Variants in RGPD2 observed in about 807,000 individuals in gnomAD.
RGPD2 encodes RANBP2-like and GRIP domain-containing protein 2.
A neutral mutation model predicts 36.0 loss-of-function variants in RGPD2; 2 were observed. The observed-to-expected ratio is 0.06, with a 90% CI of 0.02 to 0.17. RGPD2 has a LOEUF of 0.17. Among genes scored for constraint, RGPD2 ranks in the 10% least tolerant of loss-of-function variants. The pLI is 1.00. For synonymous variants in RGPD2, 19 were observed against 163.8 expected (o/e 0.12, Z 6.75); for missense variants, 40 against 464.3 (o/e 0.09, Z 8.40).
chr2:87,842,663 C>A, the RGPD2 span, among the ~76,000 whole-genome samples: 1 of 150,512 alleles, frequency 6.6e-6, no homozygotes, highest in Non-Finnish European at 1.5e-5. Flanking sequence ...TCAATGCCAT[C>A]CCCATCAAGC....
the RGPD2 span, among the ~76,000 whole-genome samples, chr2:87,929,274 C>A: frequency 6.7e-6 from 1 of 150,072 alleles, no homozygotes; most frequent in Non-Finnish European, 1.5e-5. Context: ...TGCATACACA[C>A]AATCCTTTCC....
At chr2:87,882,012 G>A in the RGPD2 span, among the ~76,000 whole-genome samples, 1 of 152,074 alleles carries the variant, frequency 6.6e-6, no homozygotes, top group Non-Finnish European at 1.5e-5. Flanking sequence ...AGTTGGGGGA[G>A]AAAGAAGAGA....
chr2:87,829,448 AGTTT>A (rs2104395971), upstream of RGPD2, among the ~76,000 whole-genome samples: 1 of 151,608 alleles, frequency 6.6e-6, no homozygotes, highest in South Asian at 2.1e-4. Flanking sequence ...AAGTTGTATT[AGTTT>A]GTTCTCACAC....
At chr2:87,958,720 C>G in the RGPD2 span, among the ~76,000 whole-genome samples, 2 of 152,294 alleles carry the variant, frequency 1.3e-5, no homozygotes, top group African/African-American at 4.8e-5. Context: ...CTTTCAAACT[C>G]TAACTTCAGG....
chr2:87,879,327 T>A, the RGPD2 span, among the ~76,000 whole-genome samples: 1 of 152,138 alleles, frequency 6.6e-6, no homozygotes, highest in Non-Finnish European at 1.5e-5. Context: ...GATTTTAAAA[T>A]GTATAATTAA....
chr2:87,781,450 T>G (rs1685397793), intron 20 of RGPD2, among the ~76,000 whole-genome samples: 2 of 134,288 alleles, frequency 1.5e-5, no homozygotes, highest in Admixed American at 7.5e-5. Flanking sequence ...TATCATGGTT[T>G]TTTTTGTTTT....
chr2:87,963,130 ATAATATT>A, the RGPD2 span, among the ~76,000 whole-genome samples: 1 of 151,858 alleles, frequency 6.6e-6, no homozygotes, highest in Non-Finnish European at 1.5e-5. Flanking sequence ...AATAAGAATA[ATAATATT>A]TAATTAATTT....
the RGPD2 span, among the ~76,000 whole-genome samples, chr2:87,884,600 A>T: frequency 6.6e-6 from 1 of 151,750 alleles, no homozygotes; most frequent in African/African-American, 2.4e-5. Flanking sequence ...TCATAAATGA[A>T]GAATGAGACA....
At chr2:87,877,674 G>A in the RGPD2 span, among the ~76,000 whole-genome samples, 30 of 152,294 alleles carry the variant, frequency 2.0e-4, no homozygotes, top group East Asian at 2.3e-3. Flanking sequence ...GCGTGGTGGC[G>A]GGCACCTGTA....
the RGPD2 span, among the ~76,000 whole-genome samples, chr2:87,971,473 A>AT: frequency 9.9e-5 from 2 of 20,280 alleles, no homozygotes; most frequent in Non-Finnish European, 1.5e-4. Context: ...ATATATATAT[A>AT]ATGAATATAT....
chr2:87,961,418 C>T, the RGPD2 span, among the ~76,000 whole-genome samples: 1 of 151,688 alleles, frequency 6.6e-6, no homozygotes, highest in Non-Finnish European at 1.5e-5. Flanking sequence ...GGTGTCTTGC[C>T]CGCCGGGCGC....
rs1340758220 is a variant in RGPD2, at chr2:87,825,121, G to A, written c.72+537C>T. ...AACCAAAGTGAACGAAAATCTGTTCGCTTCATTCATTGCCCCCACAATCCT... is the reference window on the plus strand; with the variant it reads ...AACCAAAGTGAACGAAAATCTGTTCACTTCATTCATTGCCCCCACAATCCT... On this transcript the variant is annotated intron_variant, in intron 1 of 22. Coordinates refer to ENST00000398146, the MANE Select transcript of RGPD2 (RefSeq NM_001078170.3). 14 of 387,268 alleles carry A rather than the reference G, an allele frequency of 3.6e-5. No individual in the cohort carries two copies. In the East Asian group the frequency reaches 4.4e-4, roughly 12 times the overall value. The allele number at this position is 387,268 out of a possible 1,614,324, so 24.0% of individuals were successfully genotyped here.
the RGPD2 span, among the ~76,000 whole-genome samples, chr2:87,944,755 A>G: frequency 8.5e-6 from 1 of 118,284 alleles, no homozygotes; most frequent in Non-Finnish European, 1.6e-5. Flanking sequence ...AGTGTCATTT[A>G]TTTTAATATG....
Position 87,763,302 on chromosome 2 carries a change from C to T in RGPD2, c.5237-5876G>A, listed in dbSNP as rs1457706484. ...CCTCCCTAGTAGCTGGGACTACAGG[C>T]GCCTGCCAACACGTCTGGCTAATTT... is the stretch of plus-strand genomic sequence containing the variant. On this transcript the variant is annotated intron_variant, in intron 22 of 22. Transcript: ENST00000398146. Among the ~76,000 whole-genome samples the T allele has an allele frequency of 3.5e-4, 52 of 149,662 alleles. 2 individuals are homozygous for T. Among genetic ancestry groups the T allele is most frequent in the Non-Finnish European group, 4.3e-4 (29 of 67,754 alleles).
chr2:87,872,973 T>C, the RGPD2 span, among the ~76,000 whole-genome samples: 2 of 152,284 alleles, frequency 1.3e-5, no homozygotes, highest in Non-Finnish European at 2.9e-5. Context: ...TTGGCCAGGC[T>C]GGTCTTGAAC....
the RGPD2 span, among the ~76,000 whole-genome samples, chr2:87,886,367 G>A: frequency 6.6e-6 from 1 of 151,052 alleles, no homozygotes; most frequent in Non-Finnish European, 1.5e-5. Flanking sequence ...CTATTTGATA[G>A]CTTTTATTCC....
chr2:87,906,534 CA>C, the RGPD2 span, among the ~76,000 whole-genome samples: 1 of 79,664 alleles, frequency 1.3e-5, no homozygotes, highest in Non-Finnish European at 2.5e-5. Context: ...TGAATTTCAG[CA>C]ATTTGCTTTG....
At chr2:87,881,486 C>T in the RGPD2 span, among the ~76,000 whole-genome samples, 1 of 151,168 alleles carries the variant, frequency 6.6e-6, no homozygotes, top group Admixed American at 6.6e-5. Flanking sequence ...TTTCTTTACT[C>T]TTTTACTCTG....
At chr2:87,864,507 C>A in the RGPD2 span, among the ~76,000 whole-genome samples, 1 of 152,238 alleles carries the variant, frequency 6.6e-6, no homozygotes, top group Non-Finnish European at 1.5e-5. Context: ...GAACATAGGA[C>A]TTCTCAACCT....
Sources: allele counts gnomAD v4.1 joint callset (sites outside exome capture counted in the v4.1 genomes callset), GRCh38; gene constraint gnomAD v4.1.1; transcripts MANE v1.5; gene names NCBI Gene and HGNC (gene_info 2026-07-23, HGNC 2026-07-21).